C6: variants seen among roughly 807,000 people sequenced by gnomAD.
C6 encodes complement component C6.
C6 carries 101 observed loss-of-function variants against 112.9 expected under a neutral mutation model. The ratio of observed to expected loss-of-function variants is 0.89; its 90% confidence interval spans 0.76 to 1.06. The LOEUF is 1.06. Among genes scored for constraint, C6 ranks in the 50% least tolerant of loss-of-function variants. The pLI, the probability that C6 is intolerant of heterozygous loss-of-function variation, is 0.00. For missense variants in C6, 1,202 were observed against 1,104.6 expected, an observed-to-expected ratio of 1.09 and a Z score of -1.25; for synonymous variants, 431 against 384.1, an observed-to-expected ratio of 1.12 and a Z score of -1.43.
At chr5:41,225,596 C>T (rs1739439174) in intron 1 of C6, among the ~76,000 whole-genome samples, 1 of 152,160 alleles carries the variant, frequency 6.6e-6, no homozygotes, top group Non-Finnish European at 1.5e-5. Context: ...AATGGGATGG[C>T]TGGGTCAAAT....
chr5:41,215,972 A>T (rs949557585), upstream of C6, among the ~76,000 whole-genome samples: 1 of 152,112 alleles, frequency 6.6e-6, no homozygotes, highest in African/African-American at 2.4e-5. Context: ...GACCCCATCT[A>T]TTTCAAAAAC....
At chr5:41,164,413 C>T (rs73750302) in intron 9 of C6, among the ~76,000 whole-genome samples, 3,313 of 152,024 alleles carry the variant, frequency 0.022, 128 homozygotes, top group African/African-American at 0.075. Context: ...GAGTCAGGGC[C>T]GTTGTGCCAT....
chr5:41,162,455 C>T (rs1369849934), intron 9 of C6, among the ~76,000 whole-genome samples: 1 of 152,130 alleles, frequency 6.6e-6, no homozygotes, highest in Non-Finnish European at 1.5e-5. Flanking sequence ...AAAAAAACCC[C>T]CATCAGGTTA....
intron 8 of C6, among the ~76,000 whole-genome samples, chr5:41,173,620 C>A (rs1748608371): frequency 6.6e-6 from 1 of 152,076 alleles, no homozygotes; most frequent in African/African-American, 2.4e-5. Flanking sequence ...AGTAGGTTAT[C>A]AAATACTAGT....
At chr5:41,234,203 G>C (rs536584591) in intron 1 of C6, among the ~76,000 whole-genome samples, 2 of 152,000 alleles carry the variant, frequency 1.3e-5, no homozygotes, top group African/African-American at 4.8e-5. Context: ...CTATGTAATT[G>C]CAATGTATCA....
intron 1 of C6, among the ~76,000 whole-genome samples, chr5:41,257,842 T>C (rs893225572): frequency 2.6e-4 from 40 of 152,178 alleles, no homozygotes; most frequent in African/African-American, 9.4e-4. Flanking sequence ...TTTTGGCTAA[T>C]TATCAAATTT....
rs569979350 is a variant in C6, at chr5:41,160,020, C to A, written c.1684+122G>T. ...TCACACTTTTTGCAGGTTTATCTTC[C>A]CTCTGAGCCTGTACAAGGTGGAGGT... On this transcript the variant is annotated intron_variant, in intron 11 of 17. Coordinates refer to ENST00000337836, the MANE Select transcript of C6 (RefSeq NM_000065.5). The A allele has an allele frequency of 1.8e-4, 139 of 784,780 alleles. 1 individual carries two copies. The South Asian group carries it at 2.0e-3, about 11-fold the overall frequency. The allele number at this position is 784,780 out of a possible 1,614,324, so 48.6% of individuals were successfully genotyped here.
chr5:41,229,411 T>C (rs1354039911), intron 1 of C6, among the ~76,000 whole-genome samples: 1 of 152,094 alleles, frequency 6.6e-6, no homozygotes, highest in Non-Finnish European at 1.5e-5. Flanking sequence ...TTTTTAGCTT[T>C]TCTTTTTGAT....
chr5:41,228,700 C>G (rs1290462930), intron 1 of C6, among the ~76,000 whole-genome samples: 2 of 152,050 alleles, frequency 1.3e-5, no homozygotes, highest in African/African-American at 4.8e-5. Flanking sequence ...TTTTCTGCAT[C>G]TATTGAGATG....
intron 1 of C6, among the ~76,000 whole-genome samples, chr5:41,208,917 A>G (rs1474804485): frequency 6.6e-6 from 1 of 152,062 alleles, no homozygotes; most frequent in East Asian, 1.9e-4. Context: ...AGACACAACG[A>G]AAAAAGAGAA....
intron 9 of C6, among the ~76,000 whole-genome samples, chr5:41,169,876 A>G (rs1272882104): frequency 1.3e-5 from 2 of 152,202 alleles, no homozygotes; most frequent in African/African-American, 4.8e-5. Context: ...TCCAAACCAT[A>G]TCAGAAAGCT....
intron 1 of C6, among the ~76,000 whole-genome samples, chr5:41,211,614 T>G (rs563825667): frequency 2.9e-4 from 44 of 152,082 alleles, no homozygotes; most frequent in African/African-American, 1.1e-3. Flanking sequence ...AACCACTAGA[T>G]AGACTAGAGA....
rs1750377996 is a variant in C6 at position 41,193,548 on chromosome 5, T to C, written c.587+2244A>G. ...GTGTATGCATGTATTTTCACATATA[T>C]ATGTGTGTGATCCCTACTCACAGAT... On this transcript the variant is annotated intron_variant, in intron 5 of 17. Transcript: ENST00000337836. Among the ~76,000 whole-genome samples the C allele has an allele frequency of 2.0e-5, 3 of 152,168 alleles. No homozygotes were observed. The South Asian group carries it at 6.2e-4, about 31-fold the overall frequency.
chr5:41,212,251 T>C (rs1751990177), intron 1 of C6, among the ~76,000 whole-genome samples: 1 of 152,174 alleles, frequency 6.6e-6, no homozygotes, highest in East Asian at 1.9e-4. Context: ...AAACTCAGCC[T>C]CCTGGGTTCA....
At chr5:41,209,219 C>A (rs1460992780) in intron 1 of C6, among the ~76,000 whole-genome samples, 1 of 152,148 alleles carries the variant, frequency 6.6e-6, no homozygotes, top group Non-Finnish European at 1.5e-5. Context: ...TGGGATGTAT[C>A]TCAAAATAAT....
In C6 at chr5:41,235,031, T is replaced by C. The variant is rs544720366; in HGVS notation, c.-21+26163A>G. Among the ~76,000 whole-genome samples the C allele has an allele frequency of 6.6e-5, 10 of 151,694 alleles. No homozygotes were observed. The South Asian group carries it at 2.1e-3, about 32-fold the overall frequency. ...CAGCCAAAAATGAGGATAATATTTT[T>C]GAAAGTCCAAGTCCTACATTCTCAT... On this transcript the variant is annotated intron_variant, in intron 1 of 17. Coordinates refer to the C6 transcript ENST00000263413.
chr5:41,260,059 A>T (rs1338391881), intron 1 of C6, among the ~76,000 whole-genome samples: 1 of 152,226 alleles, frequency 6.6e-6, no homozygotes, highest in Non-Finnish European at 1.5e-5. Context: ...CTTATTATCC[A>T]GTTATGGATA....
At chr5:41,228,042 TGTAGATCGATTTTG>T (rs1181741899) in intron 1 of C6, among the ~76,000 whole-genome samples, 3 of 152,170 alleles carry the variant, frequency 2.0e-5, no homozygotes, top group African/African-American at 7.2e-5. Flanking sequence ...GCATTGAATC[TGTAGATCGATTTTG>T]GTAGTATGGA....
chr5:41,203,025 G>A (rs1027946009), intron 2 of C6, 63 bp downstream of exon 2: 7 of 1,506,336 alleles, frequency 4.6e-6, no homozygotes, highest in Non-Finnish European at 6.5e-6. Context: ...CACTCCTGAT[G>A]TTGCTGACTT....
Sources: allele counts gnomAD v4.1 joint callset (sites outside exome capture counted in the v4.1 genomes callset), GRCh38; gene constraint gnomAD v4.1.1; transcripts MANE v1.5; gene names NCBI Gene and HGNC (gene_info 2026-07-23, HGNC 2026-07-21).